LRP10: variants seen among roughly 807,000 people sequenced by gnomAD.
LRP10 encodes the protein low-density lipoprotein receptor-related protein 10.
LRP10 carries 42 observed loss-of-function variants against 58.5 expected under a neutral mutation model. The observed-to-expected ratio is 0.72, with a 90% CI of 0.56 to 0.93. The LOEUF (loss-of-function observed/expected upper bound fraction) is 0.93, where lower values mean the gene tolerates loss of function less well. Ranked by LOEUF, LRP10 falls within the 40% of genes least tolerant of loss-of-function variation. The pLI, the probability that LRP10 is intolerant of heterozygous loss-of-function variation, is 0.00. For synonymous variants in LRP10, 377 were observed against 388.5 expected, an observed-to-expected ratio of 0.97 and a Z score of 0.35; for missense variants, 872 against 940.1, an observed-to-expected ratio of 0.93 and a Z score of 0.95.
In LRP10 at chr14:22,881,275, T is replaced by G. The variant is rs1162129902; in HGVS notation, c.*3748T>G. 1 of 151,788 alleles carries G rather than the reference T, an allele frequency of 6.6e-6. No individual in the cohort carries two copies. Among genetic ancestry groups the G allele is most frequent in the Admixed American group, 6.6e-5 (1 of 15,240 alleles). 9.4% of individuals were successfully genotyped at this position (151,788 alleles called of 1,614,324 possible). ...ACGGGCAAGTGCACAACCCGGGAGGTTGAGGTTACAGTGAGCCATGATCGC... is the reference window on the plus strand; with the variant it reads ...ACGGGCAAGTGCACAACCCGGGAGGGTGAGGTTACAGTGAGCCATGATCGC... On this transcript the variant is annotated 3_prime_UTR_variant, in exon 7 of 7. Transcript: ENST00000359591.
rs957234857 is a variant in LRP10 at position 22,881,021 on chromosome 14, A to T, written c.*3494A>T. 1 of 152,142 alleles carries T rather than the reference A, an allele frequency of 6.6e-6. No individual in the cohort carries two copies. The highest frequency in any genetic ancestry group is 2.1e-4 in the South Asian group (1 of 4,824). The allele number at this position is 152,142 out of a possible 1,614,324, so 9.4% of individuals were successfully genotyped here. A position where few individuals can be genotyped will look rare whatever the true frequency, so the allele number is the denominator to read the frequency against. ...AGACTCCATCTCAAAAAAAAAAGTG[A>T]GTGCCCGATGATGCCAGATTCTTCA... On this transcript the variant is annotated 3_prime_UTR_variant, in exon 7 of 7. Transcript: ENST00000359591.
In LRP10 at chr14:22,877,168, G is replaced by A. The variant is rs1170333300; in HGVS notation, c.1783G>A (p.Gly595Ser). Residue 595 changes from glycine to serine, a missense_variant, in exon 7 of 7, where the codon GGC becomes AGC. By Grantham distance (56) the Gly-to-Ser change is moderately conservative. Transcript: ENST00000359591. The surrounding 1 kb of genome is among the most constrained non-coding windows in gnomAD (Gnocchi z 5.1). Reference protein sequence around the residue: ...SAAPLEALDGGTGPAREGGAV... With the variant: ...SAAPLEALDGSTGPAREGGAV... ...TGCTCCCCTTGAGGCCCTAGATGGT[G>A]GCACAGGTCCAGCCCGTGAGGGCGG... 2 of 1,603,438 alleles carry A rather than the reference G, an allele frequency of 1.2e-6. No individual in the cohort carries two copies. Among genetic ancestry groups the A allele is most frequent in the African/African-American group, 2.7e-5 (2 of 74,702 alleles).
In LRP10 at chr14:22,875,437, T is replaced by A. The variant is rs1595029474; in HGVS notation, c.489T>A (p.Asp163Glu). ...VSAVQRCDGVDACGDGSDEAG... is the reference protein window; with the variant it reads ...VSAVQRCDGVEACGDGSDEAG... ...CTGTCCAGCGCTGTGATGGGGTTGA[T>A]GCCTGTGGCGATGGCTCTGATGAAG... Residue 163 changes from aspartate to glutamate, a missense_variant, in exon 5 of 7, where the codon GAT (aspartate) becomes GAA (glutamate). Asp to Glu is a conservative substitution (Grantham distance 45). Transcript: ENST00000359591. 6.2e-7 allele frequency: 1 copy of A among 1,614,210 alleles called. No individual in the cohort carries two copies. Among genetic ancestry groups the A allele is most frequent in the South Asian group, 1.1e-5 (1 of 91,088 alleles).
At position 22,873,472 on chromosome 14, in the gene LRP10, C is replaced by T. The variant is rs1484593476; in HGVS notation, c.215+26C>T. ...GTGAGAAGCAGAACAAGAGCAAGAA[C>T]CCATTCTTCTCCCCTGCCCCTTCCC... On this transcript the variant is annotated intron_variant, in intron 3 of 6. Coordinates refer to ENST00000359591, the MANE Select transcript of LRP10 (RefSeq NM_014045.5). 4 of 1,611,740 alleles carry T rather than the reference C, an allele frequency of 2.5e-6. No individual in the cohort carries two copies. In the East Asian group the frequency reaches 6.7e-5, roughly 27 times the overall value.
chr14:22,874,035 A>G (rs1449577849), intron 3 of LRP10, among the ~76,000 whole-genome samples: 2 of 152,238 alleles, frequency 1.3e-5, no homozygotes, highest in African/African-American at 4.8e-5. Context: ...CTCAGCTCAG[A>G]TAGAACTGTT....
At chr14:22,874,150 A>G (rs142058657) in intron 3 of LRP10, among the ~76,000 whole-genome samples, 36 of 152,308 alleles carry the variant, frequency 2.4e-4, no homozygotes, top group African/African-American at 8.2e-4. Flanking sequence ...AAACATTCCA[A>G]GTCACCCCAG....
At position 22,872,250 on chromosome 14, in the gene LRP10, T is replaced by C. The variant is rs115799735; in HGVS notation, c.-54T>C. ...CGCCCGGGGCTCCGCCGCGACCCCATCGGGTAGACCACAGAAGCTCCGGGA... is the reference window on the plus strand; with the variant it reads ...CGCCCGGGGCTCCGCCGCGACCCCACCGGGTAGACCACAGAAGCTCCGGGA... On this transcript the variant is annotated 5_prime_UTR_variant, in exon 1 of 7. Transcript: ENST00000359591. 1.2e-3 allele frequency: 1,937 copies of C among 1,605,458 alleles called. 19 individuals are homozygous for C. The African/African-American group carries it at 0.023, about 19-fold the overall frequency.
At chr14:22,874,973 A>C in intron 3 of LRP10, 82 bp from the exon 4 acceptor site, 1 of 1,023,210 alleles carries the variant, frequency 9.8e-7, no homozygotes, top group East Asian at 2.7e-5. Flanking sequence ...CCTGGGACAC[A>C]AGGGGCCTGG....
Position 22,872,761 on chromosome 14 carries a change from C to G in LRP10, c.58C>G (p.Arg20Gly). The G allele has an allele frequency of 6.2e-7, 1 of 1,614,108 alleles. No individual in the cohort carries two copies. Among genetic ancestry groups the G allele is most frequent in the Non-Finnish European group, 8.5e-7 (1 of 1,180,006 alleles). ...LLGGALAHPD[R>G]IIFPNHACED... ...AGGAGGCGCTCTGGCCCATCCAGAC[C>G]GGATTATTTTTCCAAATCATGGTGA... The change falls in exon 2 of 7, where the codon CGG becomes GGG. Residue 20 changes from arginine (R) to glycine (G), a missense_variant. Coordinates refer to ENST00000359591, the MANE Select transcript of LRP10 (RefSeq NM_014045.5).
chr14:22,877,295 C>T lies in LRP10; in HGVS notation c.1910C>T (p.Ala637Val), dbSNP rs764936860. Residue 637 changes from alanine to valine, a missense_variant, in exon 7 of 7, where the codon GCC (alanine) becomes GTC (valine). By Grantham distance (64) the Ala-to-Val change is moderately conservative. Transcript: ENST00000359591. This position sits in a 1 kb window ranked among gnomAD's most constrained non-coding sequence, Gnocchi z 5.1. Reference sequence around the variant, plus strand: ...CCAGCCCCCACTACTGTCCCTGAAGCCCCAGGGCCACTGCCCTCACTGCCC... The same window carrying T: ...CCAGCCCCCACTACTGTCCCTGAAGTCCCAGGGCCACTGCCCTCACTGCCC... ...TSPAPTTVPE[A>V]PGPLPSLPLE... 8.7e-6 allele frequency: 14 copies of T among 1,611,760 alleles called. No individual in the cohort carries two copies.
In LRP10 at chr14:22,873,303, C is replaced by G. The variant is rs1276916620; in HGVS notation, c.80-8C>G. On this transcript the variant is annotated splice_region_variant and splice_polypyrimidine_tract_variant and intron_variant, in intron 2 of 6. Transcript: ENST00000359591. Reference sequence around the variant, plus strand: ...TCTACTACCCGTGTCCTACCTTCCTCTCTCCAGCTTGTGAGGACCCCCCAG... The same window carrying G: ...TCTACTACCCGTGTCCTACCTTCCTGTCTCCAGCTTGTGAGGACCCCCCAG... The G allele has an allele frequency of 2.5e-6, 4 of 1,610,456 alleles. No homozygotes were observed. The African/African-American group carries it at 5.3e-5, about 22-fold the overall frequency.
rs935269001 is a variant in LRP10 at position 22,875,693 on chromosome 14, G to A, written c.745G>A (p.Val249Met). The change falls in exon 5 of 7, where the codon GTG becomes ATG. Residue 249 changes from valine to methionine, a missense_variant. Val to Met is a conservative substitution (Grantham distance 21, BLOSUM62 1). Coordinates refer to ENST00000359591, the MANE Select transcript of LRP10 (RefSeq NM_014045.5). Reference sequence around the variant, plus strand: ...CTTGGGCTTTGGAGATGCAGTGCATGTGTATGACGGCCCTGGGCCCCCTGA... The same window carrying A: ...CTTGGGCTTTGGAGATGCAGTGCATATGTATGACGGCCCTGGGCCCCCTGA... ...LDLGFGDAVH[V>M]YDGPGPPESS... 1 of 1,614,140 alleles carries A rather than the reference G, an allele frequency of 6.2e-7. No individual in the cohort carries two copies.
At chr14:22,873,206 C>T (rs1402443903) in intron 2 of LRP10, 105 bp from the exon 3 acceptor site, 4 of 1,422,688 alleles carry the variant, frequency 2.8e-6, no homozygotes, top group African/African-American at 1.4e-5. Context: ...TCTGCTCCTC[C>T]TTGCAGAGCC....
Position 22,879,116 on chromosome 14 carries a change from C to T in LRP10, c.*1589C>T. ...GAGCCCATCACCCAGCCTAGCCCCA[C>T]ACCTGGTGGAGAGGCCCTGTTGATT... On this transcript the variant is annotated 3_prime_UTR_variant, in exon 7 of 7. Transcript: ENST00000359591. The T allele has an allele frequency of 4.4e-6, 2 of 454,226 alleles. No homozygotes were observed. The highest frequency in any genetic ancestry group is 3.1e-5 in the South Asian group (2 of 64,330). The allele number at this position is 454,226 out of a possible 1,614,324, so 28.1% of individuals were successfully genotyped here.
In LRP10 at chr14:22,876,176, A is replaced by T; in HGVS notation, c.1228A>T (p.Lys410Ter). 6.2e-7 allele frequency: 1 copy of T among 1,614,160 alleles called. No individual in the cohort carries two copies. The highest frequency in any genetic ancestry group is 1.1e-5 in the South Asian group (1 of 91,080). Reference sequence around the variant, plus strand: ...TGGCAATTTCCGATGCCGGGACGAGAAGTGCGTGTATGAGACGTGGGTGTG... The same window carrying T: ...TGGCAATTTCCGATGCCGGGACGAGTAGTGCGTGTATGAGACGTGGGTGTG... ...QPGNFRCRDE[K>*]CVYETWVCDG... Residue 410 changes from lysine (K) to a stop codon, truncating the protein, a stop_gained, in exon 5 of 7, where the codon AAG (lysine) becomes TAG (stop). Coordinates refer to ENST00000359591, the MANE Select transcript of LRP10 (RefSeq NM_014045.5). LOFTEE classifies it high-confidence loss of function.
chr14:22,877,246 C>T lies in LRP10; in HGVS notation c.1861C>T (p.Pro621Ser). ...GGCACCCCCACTGCCCATCAAGGCT[C>T]CCCTCCCATCTGCTAGCACGTCTCC... ...EQAPPLPIKA[P>S]LPSASTSPAP... The change falls in exon 7 of 7, where the codon CCC (proline) becomes TCC (serine). Residue 621 changes from proline (P) to serine (S), a missense_variant. Coordinates refer to ENST00000359591, the MANE Select transcript of LRP10 (RefSeq NM_014045.5). The surrounding 1 kb of genome is among the most constrained non-coding windows in gnomAD (Gnocchi z 5.1). 1.2e-6 allele frequency: 2 copies of T among 1,607,550 alleles called. No homozygotes were observed. The highest frequency in any genetic ancestry group is 1.7e-6 in the Non-Finnish European group (2 of 1,176,688).
Position 22,876,078 on chromosome 14 carries a change from C to G in LRP10, c.1130C>G (p.Pro377Arg), listed in dbSNP as rs1062656. 688 of 1,613,960 alleles carry G rather than the reference C, an allele frequency of 4.3e-4. 5 individuals carry two copies. In the African/African-American group the frequency reaches 8.2e-3, roughly 19 times the overall value. The change falls in exon 5 of 7, where the codon CCT becomes CGT. Residue 377 changes from proline to arginine, a missense_variant. By Grantham distance (103) the Pro-to-Arg change is moderately radical. Coordinates refer to ENST00000359591, the MANE Select transcript of LRP10 (RefSeq NM_014045.5). ...GTSGATACYLPADRCNYQTFC... is the reference protein window; with the variant it reads ...GTSGATACYLRADRCNYQTFC... ...TCTGGTGCCACAGCCTGCTACCTGC[C>G]TGCTGACCGCTGCAACTACCAGACT...
rs1384292446 is a variant in LRP10, at chr14:22,873,321, C to T, written c.90C>T (p.Asp30=). 6.2e-7 allele frequency: 1 copy of T among 1,612,348 alleles called. No homozygotes were observed. Among genetic ancestry groups the T allele is most frequent in the African/African-American group, 1.3e-5 (1 of 74,972 alleles). The change falls in exon 3 of 7, where the codon GAC becomes GAT. Residue 30 remains aspartate (D), a synonymous_variant. Transcript: ENST00000359591. ...CCTTCCTCTCTCCAGCTTGTGAGGA[C>T]CCCCCAGCAGTGCTCTTAGAAGTGC... ...RIIFPNHACE[D]PPAVLLEVQG...
Position 22,876,095 on chromosome 14 carries a change from T to C in LRP10, c.1147T>C (p.Tyr383His). The C allele has an allele frequency of 6.2e-7, 1 of 1,614,118 alleles. No homozygotes were observed. Among genetic ancestry groups the C allele is most frequent in the Non-Finnish European group, 8.5e-7 (1 of 1,180,044 alleles). ...ACYLPADRCN[Y>H]QTFCADGADE... ...CTACCTGCCTGCTGACCGCTGCAACTACCAGACTTTCTGTGCTGATGGAGC... is the reference window on the plus strand; with the variant it reads ...CTACCTGCCTGCTGACCGCTGCAACCACCAGACTTTCTGTGCTGATGGAGC... Residue 383 changes from tyrosine to histidine, a missense_variant, in exon 5 of 7, where the codon TAC becomes CAC. Transcript: ENST00000359591.
Sources: gnomAD v4.1 joint callset for allele counts (sites outside exome capture counted in the v4.1 genomes callset) on GRCh38, gnomAD v4.1.1 for gene constraint, Gnocchi (gnomAD v3.1) non-coding constraint, MANE v1.5 for transcripts, NCBI Gene and HGNC (gene_info 2026-07-23, HGNC 2026-07-21) for gene names.